Variants in FCN3 observed in about 807,000 individuals in gnomAD.
FCN3 encodes the protein ficolin 3.
A neutral mutation model predicts 31.5 loss-of-function variants in FCN3; 28 were observed. The observed-to-expected ratio is 0.89, with a 90% CI of 0.66 to 1.22. The LOEUF is 1.22. Ranked by LOEUF, FCN3 falls within the 50% of genes most tolerant of loss-of-function variation. The pLI, the probability that FCN3 is intolerant of heterozygous loss-of-function variation, is 0.00. For missense variants in FCN3, 351 were observed against 386.8 expected (o/e 0.91, Z 0.78); for synonymous variants, 124 against 147.4 (o/e 0.84, Z 1.15).
At position 27,369,128 on chromosome 1, in the gene FCN3, T is replaced by C; in HGVS notation, c.*108A>G. On this transcript the variant is annotated 3_prime_UTR_variant, in exon 8 of 8. Coordinates refer to ENST00000270879, the MANE Select transcript of FCN3 (RefSeq NM_003665.4). ...AAGAGTCTTGAAAGGGCTAAAATGA[T>C]TTTATTTTTAAATGTGGACAGGCAA... The C allele has an allele frequency of 7.3e-7, 1 of 1,365,306 alleles. No homozygotes were observed. Among genetic ancestry groups the C allele is most frequent in the South Asian group, 1.3e-5 (1 of 76,040 alleles). 84.6% of individuals were successfully genotyped at this position (1,365,306 alleles called of 1,614,324 possible).
At chr1:27,370,758 G>A (rs371511517) in intron 6 of FCN3, 28 bp from the exon 7 acceptor site, 7 of 1,613,226 alleles carry the variant, frequency 4.3e-6, no homozygotes, top group South Asian at 1.1e-5. Flanking sequence ...CAGGGATGGA[G>A]GAATCCTCAG....
chr1:27,374,147 C>T (rs2016204220), intron 2 of FCN3, 138 bp from the exon 3 acceptor site: 8 of 784,616 alleles, frequency 1.0e-5, no homozygotes, highest in South Asian at 6.7e-5. Context: ...ATATCTTATC[C>T]TCTCTGAACC....
intron 5 of FCN3, among the ~76,000 whole-genome samples, chr1:27,371,430 G>T (rs1284112297): frequency 6.6e-6 from 1 of 152,026 alleles, no homozygotes; most frequent in Non-Finnish European, 1.5e-5. Context: ...ACAAATATTA[G>T]CCGGGTGTGG....
chr1:27,372,145 T>A (rs1309655320), intron 5 of FCN3, among the ~76,000 whole-genome samples: 4 of 152,192 alleles, frequency 2.6e-5, no homozygotes, highest in Non-Finnish European at 5.9e-5. Context: ...GCAGTGCATC[T>A]TTCATGGTGT....
chr1:27,371,051 G>A (rs556844557), intron 5 of FCN3, 79 bp from the exon 6 acceptor site: 1 of 1,428,904 alleles, frequency 7.0e-7, no homozygotes, highest in East Asian at 2.3e-5. Flanking sequence ...TGAGGGGTGG[G>A]TGGATACCCA....
At position 27,369,372 on chromosome 1, in the gene FCN3, TACCACCAGGCACCGTGG is replaced by T. The variant is rs1557574373; in HGVS notation, c.747_763del (p.His250CysfsTer16). 6.2e-7 allele frequency: 1 copy of T among 1,614,204 alleles called. No individual in the cohort carries two copies. Among genetic ancestry groups the T allele is most frequent in the Non-Finnish European group, 8.5e-7 (1 of 1,180,024 alleles). On this transcript the variant is annotated frameshift_variant, in exon 8 of 8. Transcript: ENST00000270879. LOFTEE classifies it low-confidence loss of function (END_TRUNC). ...GAGATTTGATCGGTAACAGGATGCA[TACCACCAGGCACCGTGG>T]ACAATCACTGCACAGTTGCTGTTGC...
At chr1:27,373,099 TG>T (rs1426844912) in intron 5 of FCN3, 36 bp downstream of exon 5, 3 of 1,605,970 alleles carry the variant, frequency 1.9e-6, no homozygotes, top group Admixed American at 3.4e-5. Context: ...AAGTGACCAG[TG>T]GGCCTGGCCT....
chr1:27,373,057 G>A (rs1471438020), intron 5 of FCN3, 79 bp downstream of exon 5: 2 of 1,513,784 alleles, frequency 1.3e-6, no homozygotes, highest in Non-Finnish European at 9.0e-7. Flanking sequence ...TTGCTCTGGT[G>A]GGTTCTGGCT....
At chr1:27,374,080 G>A in intron 2 of FCN3, 71 bp from the exon 3 acceptor site, 1 of 1,378,136 alleles carries the variant, frequency 7.3e-7, no homozygotes, top group African/African-American at 1.4e-5. Context: ...CAAGAGACTT[G>A]GAGCCAGAGG....
intron 5 of FCN3, among the ~76,000 whole-genome samples, chr1:27,372,773 A>ATATTTTT (rs71584882): frequency 3.0e-4 from 29 of 96,440 alleles, no homozygotes; most frequent in Admixed American, 6.7e-4. Flanking sequence ...TCCCTACCCT[A>ATATTTTT]TTTTTTTTTT....
At chr1:27,374,539 A>G in intron 1 of FCN3, 88 bp from the exon 2 acceptor site, 1 of 943,038 alleles carries the variant, frequency 1.1e-6, no homozygotes, top group Non-Finnish European at 1.7e-6. Context: ...CCAGATTCCC[A>G]CTGTCAGGAT....
At chr1:27,371,033 AG>A in intron 5 of FCN3, 61 bp from the exon 6 acceptor site, 2 of 1,548,738 alleles carry the variant, frequency 1.3e-6, no homozygotes, top group South Asian at 2.3e-5. Flanking sequence ...CTGAGGGTGC[AG>A]GAACTGTGAG....
rs780943252 is a variant in FCN3 at position 27,370,590 on chromosome 1, A to T, written c.658+6T>A. On this transcript the variant is annotated splice_donor_region_variant and intron_variant, in intron 7 of 7. Transcript: ENST00000270879. ...TCCTTCCTCTGCTCCCCTTAGGCTCACTCACCTGCAGTGCCCTCTGAGAAC... is the reference window on the plus strand; with the variant it reads ...TCCTTCCTCTGCTCCCCTTAGGCTCTCTCACCTGCAGTGCCCTCTGAGAAC... 6.2e-7 allele frequency: 1 copy of T among 1,613,328 alleles called. No homozygotes were observed. Among genetic ancestry groups the T allele is most frequent in the South Asian group, 1.1e-5 (1 of 91,030 alleles).
rs1265583066 is a variant in FCN3 at position 27,373,258 on chromosome 1, T to C, written c.271A>G (p.Arg91Gly). 1.2e-6 allele frequency: 2 copies of C among 1,614,060 alleles called. No individual in the cohort carries two copies. Among genetic ancestry groups the C allele is most frequent in the South Asian group, 1.1e-5 (1 of 91,078 alleles). Reference protein sequence around the residue: ...VNLLRCQEGPRNCRELLSQGA... With the variant: ...VNLLRCQEGPGNCRELLSQGA... ...TGGCTCAACAGCTCCCGGCAGTTTC[T>C]GGGGCCTGGGAAAGGGGAGATGGAC... Residue 91 changes from arginine (R) to glycine (G), a missense_variant, in exon 5 of 8, where the codon AGA (arginine) becomes GGA (glycine). Coordinates refer to ENST00000270879, the MANE Select transcript of FCN3 (RefSeq NM_003665.4).
chr1:27,374,238 A>C (rs1300304675), intron 2 of FCN3, 118 bp downstream of exon 2: 10 of 774,868 alleles, frequency 1.3e-5, no homozygotes, highest in Non-Finnish European at 2.1e-5. Flanking sequence ...CCCAGCCTGG[A>C]GCTGGCACAG....
intron 7 of FCN3, 53 bp downstream of exon 7, chr1:27,370,543 A>G: frequency 1.3e-6 from 2 of 1,512,898 alleles, no homozygotes; most frequent in Non-Finnish European, 1.8e-6. Flanking sequence ...GGGCAGTGGC[A>G]GCACTGGGAA....
At chr1:27,369,805 C>T (rs901930180) in intron 7 of FCN3, among the ~76,000 whole-genome samples, 1 of 151,766 alleles carries the variant, frequency 6.6e-6, no homozygotes, top group Non-Finnish European at 1.5e-5. Flanking sequence ...CTGGGAGGAA[C>T]CTCTTAGGTG....
chr1:27,374,169 C>T (rs1455304873), intron 2 of FCN3, 160 bp from the exon 3 acceptor site: 2 of 745,906 alleles, frequency 2.7e-6, no homozygotes, highest in African/African-American at 3.5e-5. Flanking sequence ...CCCTTTCCTC[C>T]TCAGCAGAAT....
At position 27,369,283 on chromosome 1, in the gene FCN3, G is replaced by A. The variant is rs773222505; in HGVS notation, c.853C>T (p.Arg285Cys). ...HKYGIDWASGRGVGHPYRRVR... is the reference protein window; with the variant it reads ...HKYGIDWASGCGVGHPYRRVR... ...CTGCGGTAGGGGTGGCCCACACCAC[G>A]GCCTGAGGCCCAGTCAATGCCATAT... The change falls in exon 8 of 8, where the codon CGT (arginine) becomes TGT (cysteine). Residue 285 changes from arginine (R) to cysteine (C), a missense_variant. Transcript: ENST00000270879. The A allele has an allele frequency of 3.7e-5, 60 of 1,614,094 alleles. No individual in the cohort carries two copies. The highest frequency in any genetic ancestry group is 1.7e-4 in the Admixed American group (10 of 60,014).
Sources: gnomAD v4.1 joint callset for allele counts (sites outside exome capture counted in the v4.1 genomes callset) on GRCh38, gnomAD v4.1.1 for gene constraint, MANE v1.5 for transcripts, NCBI Gene and HGNC (gene_info 2026-07-23, HGNC 2026-07-21) for gene names.